The following PRLR variants were observed in gnomAD, a reference collection of about 807,000 sequenced individuals.
The protein encoded by PRLR is prolactin receptor.
A neutral mutation model predicts 40.2 loss-of-function variants in PRLR; 13 were observed. The ratio of observed to expected loss-of-function variants is 0.32; its 90% CI spans 0.21 to 0.51. The LOEUF (loss-of-function observed/expected upper bound fraction) is 0.51, where lower values mean the gene tolerates loss of function less well. Among genes scored for constraint, PRLR ranks in the 20% least tolerant of loss-of-function variants. The probability of loss-of-function intolerance (pLI) is 0.97; values close to 1 mark genes in which losing one functional copy is unlikely to be tolerated. For synonymous variants in PRLR, 269 were observed against 278.7 expected (o/e 0.97, Z 0.35); for missense variants, 656 against 747.3 (o/e 0.88, Z 1.42).
At chr5:35,169,928 C>T (rs1268903860) in intron 1 of PRLR, among the ~76,000 whole-genome samples, 1 of 152,288 alleles carries the variant, frequency 6.6e-6, no homozygotes, top group Admixed American at 6.5e-5. Flanking sequence ...GCATGAGTTT[C>T]CTGTGTGCTG....
intron 1 of PRLR, among the ~76,000 whole-genome samples, chr5:35,156,506 C>T (rs764883644): frequency 2.0e-4 from 31 of 152,190 alleles, no homozygotes; most frequent in Non-Finnish European, 4.3e-4. Flanking sequence ...CAAGACTCTC[C>T]AGGATCTGGC....
intron 1 of PRLR, among the ~76,000 whole-genome samples, chr5:35,202,239 G>A (rs1159157129): frequency 6.6e-6 from 1 of 152,168 alleles, no homozygotes; most frequent in Non-Finnish European, 1.5e-5. Context: ...CATTTGGAAG[G>A]ATAAGTGCAA....
intron 1 of PRLR, among the ~76,000 whole-genome samples, chr5:35,204,498 G>T (rs1775963631): frequency 6.6e-6 from 1 of 152,008 alleles, no homozygotes; most frequent in Admixed American, 6.6e-5. Flanking sequence ...TTAGTGTCTG[G>T]GTTATTTAGC....
At chr5:35,111,231 T>A (rs1318220450) in intron 2 of PRLR, among the ~76,000 whole-genome samples, 1 of 152,198 alleles carries the variant, frequency 6.6e-6, no homozygotes, top group Non-Finnish European at 1.5e-5. Context: ...TCTTGGATGG[T>A]TTAAAAATTG....
At chr5:35,068,189 C>T (rs1183106765) in intron 9 of PRLR, 27 bp downstream of exon 9, 1 of 1,566,292 alleles carries the variant, frequency 6.4e-7, no homozygotes, top group Non-Finnish European at 8.8e-7. Flanking sequence ...GTGAGTCACA[C>T]TCCATTTTTT....
At chr5:35,134,948 C>T (rs1462132681) in intron 1 of PRLR, among the ~76,000 whole-genome samples, 1 of 152,222 alleles carries the variant, frequency 6.6e-6, no homozygotes, top group Non-Finnish European at 1.5e-5. Context: ...TGGTGTAACG[C>T]AGCCCAGTCA....
intron 5 of PRLR, 73 bp from the exon 6 acceptor site, chr5:35,072,817 G>C (rs2397418): frequency 5.9e-6 from 9 of 1,534,496 alleles, no homozygotes; most frequent in Non-Finnish European, 7.9e-6. Context: ...TTTTCTATTA[G>C]GAATTCCTTT....
rs1002486247 is a variant in PRLR at position 35,072,616 on chromosome 5, A to T, written c.502T>A (p.Tyr168Asn). 3 of 1,614,006 alleles carry T rather than the reference A, an allele frequency of 1.9e-6. No individual in the cohort carries two copies. Among genetic ancestry groups the T allele is most frequent in the African/African-American group, 2.7e-5 (2 of 74,928 alleles). ...DLKTGWFTLL[Y>N]EIRLKPEKAA... The stretch of plus-strand genomic sequence containing the variant: ...TTCTCGGGTTTTAATCGAATTTCAT[A>T]CAGGAGCGTGAACCAACCAGTTTTT... The change falls in exon 6 of 10, where the codon TAT (tyrosine) becomes AAT (asparagine). Residue 168 changes from tyrosine to asparagine, a missense_variant. Physicochemically the swap from Tyr to Asn is moderately radical, Grantham distance 143 (BLOSUM62 -2). Transcript: ENST00000618457.
At position 35,070,495 on chromosome 5, in the gene PRLR, A is replaced by T. The variant is rs115893275; in HGVS notation, c.544-230T>A. Among the ~76,000 whole-genome samples the T allele has an allele frequency of 6.6e-3, 1,012 of 152,330 alleles. 11 individuals carry two copies. Among genetic ancestry groups the T allele is most frequent in the African/African-American group, 0.023 (973 of 41,568 alleles). ...TGGGACTCTACTTCAGAAAAGTCAA[A>T]TATTCTGCCTCCTTCCCACTTTATG... On this transcript the variant is annotated intron_variant, in intron 6 of 9. Coordinates refer to ENST00000618457, the MANE Select transcript of PRLR (RefSeq NM_000949.7).
intron 1 of PRLR, among the ~76,000 whole-genome samples, chr5:35,191,048 CTTTTTTTTTTTTTTTTTTTTTTTTT>C (rs869174221): frequency 1.5e-5 from 1 of 68,114 alleles, no homozygotes; most frequent in Non-Finnish European, 2.8e-5. Flanking sequence ...GTGTTATTTT[CTTTTTTTTTTTTTTTTTTTTTTTTT>C]TTTTTTTTTT....
At chr5:35,168,761 A>G (rs146631340) in intron 1 of PRLR, among the ~76,000 whole-genome samples, 334 of 151,778 alleles carry the variant, frequency 2.2e-3, no homozygotes, top group Admixed American at 3.6e-3. Flanking sequence ...GGAAGTTTGA[A>G]GATCTTGTTT....
At chr5:35,162,210 A>G (rs1390549947) in intron 1 of PRLR, among the ~76,000 whole-genome samples, 1 of 152,230 alleles carries the variant, frequency 6.6e-6, no homozygotes, top group Non-Finnish European at 1.5e-5. Flanking sequence ...TGGTTACAAC[A>G]TAAGTGTGGC....
intron 5 of PRLR, among the ~76,000 whole-genome samples, chr5:35,079,266 T>C (rs1047582374): frequency 6.6e-6 from 1 of 152,200 alleles, no homozygotes; most frequent in African/African-American, 2.4e-5. Context: ...GGAAGTCAAA[T>C]TGTCCCTGTT....
rs1561259130 is a variant in PRLR, at chr5:35,065,325, CCTT to C, written c.1630_1632del (p.Lys544del). 3 of 1,614,054 alleles carry C rather than the reference CCTT, an allele frequency of 1.9e-6. No homozygotes were observed. The highest frequency in any genetic ancestry group is 2.5e-6 in the Non-Finnish European group (3 of 1,180,022). On this transcript the variant is annotated inframe_deletion, in exon 10 of 10. Transcript: ENST00000618457. Reference sequence around the variant, plus strand: ...ATGACCCCGGACACCTTGGCATACTCCTTATTGTTCTCAGGAGTCCCGGGCTTC... The same window carrying C: ...ATGACCCCGGACACCTTGGCATACTCATTGTTCTCAGGAGTCCCGGGCTTC...
chr5:35,082,619 T>C (rs776782254), intron 5 of PRLR, among the ~76,000 whole-genome samples: 8 of 152,218 alleles, frequency 5.3e-5, no homozygotes, highest in African/African-American at 1.9e-4. Flanking sequence ...TGAGAACCAC[T>C]GCTTTTAAGT....
intron 1 of PRLR, among the ~76,000 whole-genome samples, chr5:35,174,124 CTG>C (rs1172254297): frequency 2.7e-5 from 4 of 149,914 alleles, no homozygotes; most frequent in African/African-American, 9.9e-5. Flanking sequence ...GAGTCTCACT[CTG>C]TCACCCAAGC....
intron 1 of PRLR, among the ~76,000 whole-genome samples, chr5:35,219,892 A>G (rs1018986899): frequency 6.6e-6 from 1 of 152,222 alleles, no homozygotes; most frequent in African/African-American, 2.4e-5. Flanking sequence ...AGGGTAGGGC[A>G]GGAACAATCA....
intron 2 of PRLR, among the ~76,000 whole-genome samples, chr5:35,105,558 T>C (rs542121438): frequency 6.6e-6 from 1 of 152,258 alleles, no homozygotes; most frequent in East Asian, 1.9e-4. Flanking sequence ...CTGAAAACCA[T>C]GGCACGAGAA....
chr5:35,110,359 AT>A (rs1200364715), intron 2 of PRLR, among the ~76,000 whole-genome samples: 1 of 151,102 alleles, frequency 6.6e-6, no homozygotes, highest in Non-Finnish European at 1.5e-5. Context: ...AACTTAAAGT[AT>A]AATAAAAAAA....
Sources: gnomAD v4.1 joint callset for allele counts (sites outside exome capture counted in the v4.1 genomes callset) on GRCh38, gnomAD v4.1.1 for gene constraint, MANE v1.5 for transcripts, NCBI Gene and HGNC (gene_info 2026-07-23, HGNC 2026-07-21) for gene names.